KIF11: variants seen among roughly 807,000 people sequenced by gnomAD.
KIF11 encodes the protein kinesin-like protein KIF11.
KIF11 carries 9 observed loss-of-function variants against 121.0 expected under a neutral mutation model. That is an observed-to-expected ratio of 0.07 (90% CI 0.04 to 0.13). The LOEUF (loss-of-function observed/expected upper bound fraction) is 0.13. Among genes scored for constraint, KIF11 ranks in the 10% least tolerant of loss-of-function variants. KIF11 has a pLI of 1.00. For missense variants in KIF11, 846 were observed against 1,217.5 expected (o/e 0.69, Z 4.54); for synonymous variants, 408 against 421.0 (o/e 0.97, Z 0.38).
Position 92,633,873 on chromosome 10 carries a change from T to G in KIF11, c.1875+78T>G, listed in dbSNP as rs11187108. 89,404 of 933,170 alleles carry G rather than the reference T, an allele frequency of 0.096. 5,233 individuals are homozygous for G. The highest frequency in any genetic ancestry group is 0.19 in the Admixed American group (8,030 of 41,520). The allele number at this position is 933,170 out of a possible 1,614,324, so 57.8% of individuals were successfully genotyped here. ...ATAAAATATTTTGAAGGGTTACATT[T>G]GATAAGTCTTTATAAACAATGTTAA... On this transcript the variant is annotated intron_variant, in intron 14 of 21. Coordinates refer to ENST00000260731, the MANE Select transcript of KIF11 (RefSeq NM_004523.4).
intron 1 of KIF11, among the ~76,000 whole-genome samples, chr10:92,598,747 A>G (rs1844330714): frequency 6.6e-6 from 1 of 152,080 alleles, no homozygotes; most frequent in African/African-American, 2.4e-5. Flanking sequence ...CCATTTATTT[A>G]TGCCCCTTAA....
chr10:92,626,869 C>T (rs932986082), intron 10 of KIF11, among the ~76,000 whole-genome samples: 2 of 152,040 alleles, frequency 1.3e-5, no homozygotes, highest in African/African-American at 4.8e-5. Context: ...ACGCCATTCT[C>T]TCGCCTCAGC....
chr10:92,605,168 A>G (rs1289692289), intron 1 of KIF11, among the ~76,000 whole-genome samples: 1 of 152,180 alleles, frequency 6.6e-6, no homozygotes, highest in African/African-American at 2.4e-5. Flanking sequence ...CATTTCAACT[A>G]AATACCTACT....
At chr10:92,597,579 T>A (rs936445795) in intron 1 of KIF11, among the ~76,000 whole-genome samples, 2 of 152,106 alleles carry the variant, frequency 1.3e-5, no homozygotes, top group Non-Finnish European at 2.9e-5. Flanking sequence ...CTCTTTTTTT[T>A]ACCTTGATCT....
At chr10:92,630,867 C>CAAAAAAAAA (rs58123701) in intron 12 of KIF11, among the ~76,000 whole-genome samples, 1 of 99,988 alleles carries the variant, frequency 1.0e-5, no homozygotes, top group Admixed American at 1.2e-4. Flanking sequence ...AACTCCGTCT[C>CAAAAAAAAA]AAAAAAAAAA....
chr10:92,601,101 A>C (rs1755542470), intron 1 of KIF11, among the ~76,000 whole-genome samples: 1 of 151,898 alleles, frequency 6.6e-6, no homozygotes, highest in Non-Finnish European at 1.5e-5. Context: ...CTCGTGATCC[A>C]TCCGCCTTGG....
At chr10:92,649,320 G>A (rs1264116450) in intron 19 of KIF11, among the ~76,000 whole-genome samples, 2 of 152,256 alleles carry the variant, frequency 1.3e-5, no homozygotes, top group Non-Finnish European at 2.9e-5. Flanking sequence ...ATAACTGGGG[G>A]CCTGATGCGG....
At chr10:92,652,367 C>T (rs1487855561) in intron 21 of KIF11, among the ~76,000 whole-genome samples, 1 of 151,940 alleles carries the variant, frequency 6.6e-6, no homozygotes, top group Non-Finnish European at 1.5e-5. Flanking sequence ...CTTGAACTCC[C>T]GACCTCAGGT....
Position 92,645,461 on chromosome 10 carries a change from A to T in KIF11, c.2366A>T (p.Glu789Val). The T allele has an allele frequency of 6.2e-7, 1 of 1,613,940 alleles. No homozygotes were observed. Among genetic ancestry groups the T allele is most frequent in the Non-Finnish European group, 8.5e-7 (1 of 1,179,832 alleles). ...CAGGAACTCAGAAATTTTAACCAAG[A>T]AGGTACAAAATTGGTTGAAGAATCT... ...FSQELRNFNQEGTKLVEESVK... is the reference protein window; with the variant it reads ...FSQELRNFNQVGTKLVEESVK... Residue 789 changes from glutamate to valine, a missense_variant, in exon 18 of 22, where the codon GAA becomes GTA. Transcript: ENST00000260731.
chr10:92,597,063 T>C, intron 1 of KIF11: 1 of 373,758 alleles, frequency 2.7e-6, no homozygotes, highest in Non-Finnish European at 5.4e-6. Flanking sequence ...ATCTGAGAAG[T>C]TGTTCTTTCT....
chr10:92,650,380 T>C, intron 20 of KIF11, 21 bp from the exon 21 acceptor site: 1 of 1,399,490 alleles, frequency 7.1e-7, no homozygotes, highest in Non-Finnish European at 1.0e-6. Context: ...ACTTAGTCAC[T>C]CATCCAGTTT....
intron 12 of KIF11, 139 bp from the exon 13 acceptor site, chr10:92,632,347 T>A: frequency 1.7e-6 from 1 of 593,746 alleles, no homozygotes; most frequent in Non-Finnish European, 3.0e-6. Context: ...TTTGTATTTT[T>A]AGTAGAGACG....
In KIF11 at chr10:92,613,162, T is replaced by A; in HGVS notation, c.789+32T>A. 6.7e-7 allele frequency: 1 copy of A among 1,500,038 alleles called. No homozygotes were observed. Among genetic ancestry groups the A allele is most frequent in the Non-Finnish European group, 9.2e-7 (1 of 1,082,992 alleles). 92.9% of individuals were successfully genotyped at this position (1,500,038 alleles called of 1,614,324 possible). A position where few individuals can be genotyped will look rare whatever the true frequency, so the allele number is the denominator to read the frequency against. On this transcript the variant is annotated intron_variant, in intron 7 of 21. Coordinates refer to ENST00000260731, the MANE Select transcript of KIF11 (RefSeq NM_004523.4). The surrounding 1 kb of genome is among the most constrained non-coding windows in gnomAD (Gnocchi z 4.2). ...ATCCACCTTAATACTACTGTTTCAC[T>A]CTTAAACACCTTATAGAGCAGCTTG...
intron 16 of KIF11, among the ~76,000 whole-genome samples, chr10:92,638,404 G>T (rs1844830037): frequency 6.6e-6 from 1 of 152,100 alleles, no homozygotes; most frequent in African/African-American, 2.4e-5. Context: ...TCTTTTGTGT[G>T]TTTTTTGGCA....
At chr10:92,622,664 T>C (rs1342072436) in intron 10 of KIF11, among the ~76,000 whole-genome samples, 1 of 151,996 alleles carries the variant, frequency 6.6e-6, no homozygotes, top group East Asian at 1.9e-4. Context: ...AAAATAATTA[T>C]AGTACAATAT....
Position 92,638,563 on chromosome 10 carries a change from A to G in KIF11, c.2160+1018A>G, listed in dbSNP as rs576022571. Among the ~76,000 whole-genome samples, 132 of 152,346 alleles carry G rather than the reference A, an allele frequency of 8.7e-4. 1 individual carries two copies. The highest frequency in any genetic ancestry group is 5.4e-3 in the South Asian group (26 of 4,830). On this transcript the variant is annotated intron_variant, in intron 16 of 21. Coordinates refer to ENST00000260731, the MANE Select transcript of KIF11 (RefSeq NM_004523.4). ...TTAAAATTGTTAGACAGCTCTTTAA[A>G]AAAACAATACAAAAAAATCTGATCT...
chr10:92,621,486 C>CACACCCTGCTAATTTT lies in KIF11; in HGVS notation c.1217+13_1217+14insACACCCTGCTAATTTT. ...AAGAAAATTTTAGGTAAGCCCTTGG[C>CACACCCTGCTAATTTT]TATGGAGTTAATTTCCAAGAATAAG... is the stretch of plus-strand genomic sequence containing the variant. On this transcript the variant is annotated intron_variant, in intron 10 of 21. Transcript: ENST00000260731. 2 of 1,501,874 alleles carry CACACCCTGCTAATTTT rather than the reference C, an allele frequency of 1.3e-6. No individual in the cohort carries two copies. Among genetic ancestry groups the CACACCCTGCTAATTTT allele is most frequent in the Non-Finnish European group, 1.8e-6 (2 of 1,082,612 alleles). 93.0% of individuals were successfully genotyped at this position (1,501,874 alleles called of 1,614,324 possible).
At chr10:92,643,971 T>A (rs1359624310) in intron 17 of KIF11, among the ~76,000 whole-genome samples, 1 of 152,206 alleles carries the variant, frequency 6.6e-6, no homozygotes, top group East Asian at 1.9e-4. Context: ...GAACTCTTCC[T>A]ATATGCTGAA....
Position 92,613,493 on chromosome 10 carries a change from T to C in KIF11, c.906T>C (p.Leu302=). ...CTTTGGGAAGGGTCATTACTGCCCTTGTAGAAAGAACACCTCATGTTCCTT... is the reference window on the plus strand; with the variant it reads ...CTTTGGGAAGGGTCATTACTGCCCTCGTAGAAAGAACACCTCATGTTCCTT... The part of the protein sequence containing the change: ...LLTLGRVITA[L]VERTPHVPYR... The change falls in exon 8 of 22, where the codon CTT becomes CTC. Residue 302 remains leucine (L), a synonymous_variant. Coordinates refer to ENST00000260731, the MANE Select transcript of KIF11 (RefSeq NM_004523.4). The surrounding 1 kb of genome is among the most constrained non-coding windows in gnomAD (Gnocchi z 4.2). 1 of 1,613,412 alleles carries C rather than the reference T, an allele frequency of 6.2e-7. No homozygotes were observed. Among genetic ancestry groups the C allele is most frequent in the South Asian group, 1.1e-5 (1 of 91,036 alleles).
Sources: allele counts gnomAD v4.1 joint callset (sites outside exome capture counted in the v4.1 genomes callset), GRCh38; gene constraint gnomAD v4.1.1; non-coding constraint Gnocchi (gnomAD v3.1); transcripts MANE v1.5; gene names NCBI Gene and HGNC (gene_info 2026-07-23, HGNC 2026-07-21).